Variants in FARSB observed in about 807,000 individuals in gnomAD.
FARSB encodes the protein phenylalanyl-tRNA synthetase subunit beta.
A neutral mutation model predicts 69.6 loss-of-function variants in FARSB; 40 were observed. The observed-to-expected ratio is 0.57, with a 90% CI of 0.45 to 0.75. The LOEUF (loss-of-function observed/expected upper bound fraction) is 0.75, where lower values mean the gene tolerates loss of function less well. Among genes scored for constraint, FARSB ranks in the 30% least tolerant of loss-of-function variants. The pLI is 0.00. For missense variants in FARSB, 632 were observed against 722.9 expected, an observed-to-expected ratio of 0.87 and a Z score of 1.44; for synonymous variants, 235 against 247.2, an observed-to-expected ratio of 0.95 and a Z score of 0.46.
chr2:222,603,063 G>A (rs1222353631), intron 15 of FARSB, among the ~76,000 whole-genome samples: 1 of 151,966 alleles, frequency 6.6e-6, no homozygotes, highest in African/African-American at 2.4e-5. Context: ...AGTATAGAGA[G>A]GAAGACTGAA....
Position 222,619,640 on chromosome 2 carries a change from CT to C in FARSB, c.1344+4del. ...CATGAATTCTCACCTACTTAAAATT[CT>C]TACCTGAAATTCAGCTGTTTTAGGA... On this transcript the variant is annotated splice_donor_region_variant and intron_variant, in intron 14 of 16. Transcript: ENST00000281828. 1 of 1,501,822 alleles carries C rather than the reference CT, an allele frequency of 6.7e-7. No individual in the cohort carries two copies. The highest frequency in any genetic ancestry group is 9.3e-7 in the Non-Finnish European group (1 of 1,078,852). The allele number at this position is 1,501,822 out of a possible 1,614,324, so 93.0% of individuals were successfully genotyped here.
intron 16 of FARSB, among the ~76,000 whole-genome samples, chr2:222,584,520 T>G (rs1003242448): frequency 6.6e-6 from 1 of 151,772 alleles, no homozygotes; most frequent in African/African-American, 2.4e-5. Context: ...GCCCATGGAG[T>G]GTGAGCCAAA....
rs147435733 is a variant in FARSB at position 222,598,674 on chromosome 2, T to C, written c.1618+1254A>G. On this transcript the variant is annotated intron_variant, in intron 16 of 16. Transcript: ENST00000281828. ...AGGATGGTAAACTGGTGAATGAGTA[T>C]ATACAGGCACTAAAAAGGCAGACAA... Among the ~76,000 whole-genome samples the C allele has an allele frequency of 9.4e-3, 1,428 of 152,228 alleles. 17 individuals carry two copies. Among genetic ancestry groups the C allele is most frequent in the African/African-American group, 0.028 (1,167 of 41,530 alleles).
At position 222,574,406 on chromosome 2, in the gene FARSB, A is replaced by G. The variant is rs541950814; in HGVS notation, c.1619-2384T>C. Among the ~76,000 whole-genome samples the G allele has an allele frequency of 5.3e-5, 8 of 152,354 alleles. No individual in the cohort carries two copies. In the South Asian group the frequency reaches 1.7e-3, roughly 32 times the overall value. On this transcript the variant is annotated intron_variant, in intron 16 of 16. Coordinates refer to ENST00000281828, the MANE Select transcript of FARSB (RefSeq NM_005687.5). ...GAGTATTCTACATAACATAAATATCAAAAGCTCTCACCTGTCACCTGGACA... is the reference window on the plus strand; with the variant it reads ...GAGTATTCTACATAACATAAATATCGAAAGCTCTCACCTGTCACCTGGACA...
At chr2:222,601,404 C>T (rs988344557) in intron 15 of FARSB, among the ~76,000 whole-genome samples, 2 of 151,600 alleles carry the variant, frequency 1.3e-5, no homozygotes, top group African/African-American at 4.9e-5. Flanking sequence ...TAGCAATACC[C>T]CATCTCTACA....
chr2:222,627,826 G>A (rs942563193), intron 10 of FARSB, among the ~76,000 whole-genome samples: 1 of 152,208 alleles, frequency 6.6e-6, no homozygotes, highest in Non-Finnish European at 1.5e-5. Flanking sequence ...TTAAATAGCA[G>A]AAACTATTTC....
Position 222,642,969 on chromosome 2 carries a change from T to G in FARSB, c.151A>C (p.Asn51His), listed in dbSNP as rs369199202. ...EKEIISKEQG[N>H]VKAAGASDVV... ...TCAGAGGCTCCTGCTGCCTTTACAT[T>G]ACCTTGTTCTTTACTTATTATTTCC... The change falls in exon 3 of 17, where the codon AAT becomes CAT. Residue 51 changes from asparagine (N) to histidine (H), a missense_variant. Physicochemically the swap from Asn to His is moderately conservative, Grantham distance 68. Coordinates refer to ENST00000281828, the MANE Select transcript of FARSB (RefSeq NM_005687.5). 2 of 1,608,874 alleles carry G rather than the reference T, an allele frequency of 1.2e-6. No individual in the cohort carries two copies. The highest frequency in any genetic ancestry group is 1.7e-6 in the Non-Finnish European group (2 of 1,176,292).
Position 222,566,950 on chromosome 2 carries a change from A to C in FARSB, c.*4921T>G, listed in dbSNP as rs922525893. 1 of 152,218 alleles carries C rather than the reference A, an allele frequency of 6.6e-6. No homozygotes were observed. The highest frequency in any genetic ancestry group is 1.5e-5 in the Non-Finnish European group (1 of 68,052). 9.4% of individuals were successfully genotyped at this position (152,218 alleles called of 1,614,324 possible). ...TCACAGTTCTGGAGGCTAGAATTTC[A>C]AGATCAAGGTGCCAGCAAAATAGGT... On this transcript the variant is annotated 3_prime_UTR_variant, in exon 17 of 17. Transcript: ENST00000281828.
intron 11 of FARSB, 51 bp downstream of exon 11, chr2:222,624,663 T>C: frequency 8.0e-7 from 1 of 1,250,836 alleles, no homozygotes; most frequent in Non-Finnish European, 1.1e-6. Context: ...AAAAAAAAAT[T>C]AGTCATACGT....
At chr2:222,602,732 G>T (rs1303000959) in intron 15 of FARSB, among the ~76,000 whole-genome samples, 1 of 151,968 alleles carries the variant, frequency 6.6e-6, no homozygotes, top group African/African-American at 2.4e-5. Context: ...ATTAATGAGA[G>T]AAGTGATATC....
intron 16 of FARSB, among the ~76,000 whole-genome samples, chr2:222,580,449 C>T (rs1689937662): frequency 6.6e-6 from 1 of 151,412 alleles, no homozygotes; most frequent in African/African-American, 2.4e-5. Flanking sequence ...TGGCTTGAGA[C>T]CAGGTGTTCA....
Position 222,568,753 on chromosome 2 carries a change from T to C in FARSB, c.*3118A>G, listed in dbSNP as rs1015812477. ...TACTCGGGAAGCTGAGGCAGGAGAA[T>C]TGCTTGAACCCAGGAGGTGGAGGTT... On this transcript the variant is annotated 3_prime_UTR_variant, in exon 17 of 17. Transcript: ENST00000281828. The surrounding 1 kb of genome is among the most constrained non-coding windows in gnomAD (Gnocchi z 4.3). 6.6e-6 allele frequency: 1 copy of C among 152,198 alleles called. No homozygotes were observed. The highest frequency in any genetic ancestry group is 6.6e-5 in the Admixed American group (1 of 15,264). 9.4% of individuals were successfully genotyped at this position (152,198 alleles called of 1,614,324 possible).
At chr2:222,594,907 T>C (rs1690371918) in intron 16 of FARSB, among the ~76,000 whole-genome samples, 1 of 152,186 alleles carries the variant, frequency 6.6e-6, no homozygotes, top group African/African-American at 2.4e-5. Flanking sequence ...TGATGATTGC[T>C]GAAGCTTCTA....
At chr2:222,632,047 G>A (rs1413252704) in intron 7 of FARSB, among the ~76,000 whole-genome samples, 1 of 152,148 alleles carries the variant, frequency 6.6e-6, no homozygotes. Context: ...ACGACATGGT[G>A]CAATGGCACG....
intron 7 of FARSB, among the ~76,000 whole-genome samples, 157 bp from the exon 8 acceptor site, chr2:222,631,831 G>A (rs1691433198): frequency 6.6e-6 from 1 of 152,244 alleles, no homozygotes; most frequent in African/African-American, 2.4e-5. Context: ...CCAGCACTCT[G>A]GGAGGCCAAA....
intron 1 of FARSB, among the ~76,000 whole-genome samples, chr2:222,655,386 A>G (rs1692146791): frequency 6.6e-6 from 1 of 152,162 alleles, no homozygotes; most frequent in Non-Finnish European, 1.5e-5. Flanking sequence ...TTACCACCCT[A>G]TCTAAAGTTG....
intron 16 of FARSB, among the ~76,000 whole-genome samples, chr2:222,589,930 G>T (rs1308804871): frequency 6.6e-6 from 1 of 152,212 alleles, no homozygotes; most frequent in Non-Finnish European, 1.5e-5. Flanking sequence ...CTGTAAACTA[G>T]TTCAACCATT....
Position 222,568,831 on chromosome 2 carries a change from C to A in FARSB, c.*3040G>T, listed in dbSNP as rs951922751. 2 of 152,322 alleles carry A rather than the reference C, an allele frequency of 1.3e-5. No homozygotes were observed. The highest frequency in any genetic ancestry group is 4.8e-5 in the African/African-American group (2 of 41,438). 9.4% of individuals were successfully genotyped at this position (152,322 alleles called of 1,614,324 possible). On this transcript the variant is annotated 3_prime_UTR_variant, in exon 17 of 17. Coordinates refer to ENST00000281828, the MANE Select transcript of FARSB (RefSeq NM_005687.5). This position sits in a 1 kb window ranked among gnomAD's most constrained non-coding sequence, Gnocchi z 4.3. ...CTCCAGCCTGGGTGACAGAGCGAGA[C>A]TCCGTCTAAAAAAACAAAAAACAAA...
intron 16 of FARSB, among the ~76,000 whole-genome samples, chr2:222,579,277 A>G (rs1689911838): frequency 6.6e-6 from 1 of 152,252 alleles, no homozygotes; most frequent in African/African-American, 2.4e-5. Context: ...CAAGCTGTCC[A>G]TTTCGTGTTT....
Sources: gnomAD v4.1 joint callset for allele counts (sites outside exome capture counted in the v4.1 genomes callset) on GRCh38, gnomAD v4.1.1 for gene constraint, Gnocchi (gnomAD v3.1) non-coding constraint, MANE v1.5 for transcripts, NCBI Gene and HGNC (gene_info 2026-07-23, HGNC 2026-07-21) for gene names.